DMRT3: variants seen among roughly 807,000 people sequenced by gnomAD.
DMRT3 encodes doublesex and mab-3 related transcription factor 3.
DMRT3 carries 29 observed loss-of-function variants against 34.9 expected under a neutral mutation model. The ratio of observed to expected loss-of-function variants is 0.83; its 90% CI spans 0.62 to 1.13. DMRT3 has a LOEUF of 1.13. Among genes scored for constraint, DMRT3 ranks in the 50% most tolerant of loss-of-function variants. The pLI, the probability that DMRT3 is intolerant of heterozygous loss-of-function variation, is 0.00. For missense variants in DMRT3, 772 were observed against 629.1 expected (o/e 1.23, Z -2.43); for synonymous variants, 350 against 286.0 (o/e 1.22, Z -2.26).
chr9:986,912 C>CT lies in DMRT3; in HGVS notation c.455-3126dup, dbSNP rs529523578. Among the ~76,000 whole-genome samples the CT allele has an allele frequency of 3.2e-3, 472 of 146,230 alleles. 4 individuals carry two copies. The highest frequency in any genetic ancestry group is 0.011 in the African/African-American group (449 of 39,598). ...TCTCAAAAAAAAAAAAAAAGTTGAGCTTTGAGCTTTCCAGCTGTGCCTATG... is the reference window on the plus strand; with the variant it reads ...TCTCAAAAAAAAAAAAAAAGTTGAGCTTTTGAGCTTTCCAGCTGTGCCTATG... On this transcript the variant is annotated intron_variant, in intron 1 of 1. Coordinates refer to ENST00000190165, the MANE Select transcript of DMRT3 (RefSeq NM_021240.4).
chr9:977,179 CTCA>C lies in DMRT3; in HGVS notation c.184_186del (p.Ile62del), dbSNP rs1283486334. The C allele has an allele frequency of 1.2e-6, 2 of 1,610,586 alleles. No individual in the cohort carries two copies. Among genetic ancestry groups the C allele is most frequent in the East Asian group, 4.5e-5 (2 of 44,762 alleles). On this transcript the variant is annotated inframe_deletion, in exon 1 of 2. Coordinates refer to ENST00000190165, the MANE Select transcript of DMRT3 (RefSeq NM_021240.4). ...GGACTGCACCTGCGAGAAGTGCATC[CTCA>C]TCATCGAGCGGCAGCGGGTCATGGC...
At chr9:977,978 A>T (rs1820173318) in intron 1 of DMRT3, among the ~76,000 whole-genome samples, 1 of 152,190 alleles carries the variant, frequency 6.6e-6, no homozygotes, top group Non-Finnish European at 1.5e-5. Context: ...GCCCAGGAAA[A>T]TTTGAGTGAG....
chr9:990,854 C>T lies in DMRT3; in HGVS notation c.1268C>T (p.Pro423Leu). The T allele has an allele frequency of 6.2e-7, 1 of 1,614,144 alleles. No homozygotes were observed. The highest frequency in any genetic ancestry group is 1.1e-5 in the South Asian group (1 of 91,080). ...SNSTSVFRSS[P>L]VLPARATEDP... ...TCTACCAGCGTCTTCAGAAGCTCGC[C>T]CGTCCTTCCTGCCCGCGCCACGGAA... The change falls in exon 2 of 2, where the codon CCC becomes CTC. Residue 423 changes from proline to leucine, a missense_variant. By Grantham distance (98) the Pro-to-Leu change is moderately conservative. Coordinates refer to ENST00000190165, the MANE Select transcript of DMRT3 (RefSeq NM_021240.4).
chr9:986,183 T>G (rs1026042473), intron 1 of DMRT3, among the ~76,000 whole-genome samples: 2 of 152,210 alleles, frequency 1.3e-5, no homozygotes, highest in African/African-American at 4.8e-5. Context: ...TCACAATTGC[T>G]GAACAAGCTG....
rs1820357332 is a variant in DMRT3 at position 990,999 on chromosome 9, A to T, written c.1413A>T (p.Ser471=). The change falls in exon 2 of 2, where the codon TCA becomes TCT. Residue 471 remains serine, a synonymous_variant. Transcript: ENST00000190165. ...CAGACTCTAGAACACTCAACACATC[A>T]TCTTAAAGTGGTGCTGGATGGGTGG... ...DSSDSRTLNT[S]S is the part of the protein sequence containing the mutation. 1.9e-6 allele frequency: 3 copies of T among 1,606,168 alleles called. No homozygotes were observed. Among genetic ancestry groups the T allele is most frequent in the African/African-American group, 1.3e-5 (1 of 74,804 alleles).
intron 1 of DMRT3, among the ~76,000 whole-genome samples, chr9:984,174 A>G (rs771503843): frequency 6.6e-6 from 1 of 152,266 alleles, no homozygotes; most frequent in East Asian, 1.9e-4. Flanking sequence ...CCATTGTTGT[A>G]AGATTTATGT....
intron 1 of DMRT3, among the ~76,000 whole-genome samples, chr9:978,871 TGTCTC>T (rs1397113433): frequency 1.3e-5 from 2 of 152,242 alleles, no homozygotes; most frequent in Non-Finnish European, 2.9e-5. Flanking sequence ...CTCTTTTGTC[TGTCTC>T]ATCTTTTTAT....
At chr9:988,813 A>G (rs759854082) in intron 1 of DMRT3, among the ~76,000 whole-genome samples, 6 of 152,158 alleles carry the variant, frequency 3.9e-5, no homozygotes, top group Non-Finnish European at 7.4e-5. Flanking sequence ...TCATCTTTCG[A>G]TCAGCTACCC....
Position 990,247 on chromosome 9 carries a change from C to G in DMRT3, c.661C>G (p.Pro221Ala), listed in dbSNP as rs1207645608. ...GGNPESRPDS[P>A]KCHAEQNHLL... is the part of the protein sequence containing the mutation. ...CAACCCCGAGAGCCGCCCTGACAGCCCCAAGTGTCACGCGGAGCAGAATCA... is the reference window on the plus strand; with the variant it reads ...CAACCCCGAGAGCCGCCCTGACAGCGCCAAGTGTCACGCGGAGCAGAATCA... The change falls in exon 2 of 2, where the codon CCC becomes GCC. Residue 221 changes from proline to alanine, a missense_variant. Pro to Ala is a conservative substitution (Grantham distance 27). Transcript: ENST00000190165. 1 of 1,613,860 alleles carries G rather than the reference C, an allele frequency of 6.2e-7. No homozygotes were observed. The highest frequency in any genetic ancestry group is 1.3e-5 in the African/African-American group (1 of 74,854).
chr9:985,396 T>G (rs551607921), intron 1 of DMRT3, among the ~76,000 whole-genome samples: 10 of 152,346 alleles, frequency 6.6e-5, no homozygotes, highest in Admixed American at 2.6e-4. Context: ...CAGGAGTATT[T>G]CCTATTTTAT....
At position 990,886 on chromosome 9, in the gene DMRT3, C is replaced by T. The variant is rs1261539213; in HGVS notation, c.1300C>T (p.Arg434Trp). The change falls in exon 2 of 2, where the codon CGG becomes TGG. Residue 434 changes from arginine to tryptophan, a missense_variant. Physicochemically the swap from Arg to Trp is moderately radical, Grantham distance 101 (BLOSUM62 -3). Transcript: ENST00000190165. ...TCCTGCCCGCGCCACGGAAGACCCT[C>T]GGATTTCCATCCCTGATGATGGGTG... Reference protein sequence around the residue: ...VLPARATEDPRISIPDDGCPF... With the variant: ...VLPARATEDPWISIPDDGCPF... 17 of 1,614,004 alleles carry T rather than the reference C, an allele frequency of 1.1e-5. No homozygotes were observed. The highest frequency in any genetic ancestry group is 6.6e-5 in the South Asian group (6 of 91,088).
At chr9:981,599 C>A (rs956517667) in intron 1 of DMRT3, among the ~76,000 whole-genome samples, 6 of 152,234 alleles carry the variant, frequency 3.9e-5, no homozygotes, top group African/African-American at 1.4e-4. Flanking sequence ...CTGCTGGGGA[C>A]CGGTCTTCCC....
Position 976,694 on chromosome 9 carries a change from G to C in DMRT3, c.-308G>C, listed in dbSNP as rs1820150558. 6.6e-6 allele frequency among the ~76,000 whole-genome samples: 1 copy of C among 152,304 alleles called. No individual in the cohort carries two copies. The highest frequency in any genetic ancestry group is 2.4e-5 in the African/African-American group (1 of 41,584). ...TCAGACCTTAATCAGAGCTGTCGCC[G>C]GCTCCTTGCAGCCGCCGCAGCGCCT... On this transcript the variant is annotated 5_prime_UTR_variant, in exon 1 of 2. Transcript: ENST00000190165. This position sits in a 1 kb window ranked among gnomAD's most constrained non-coding sequence, Gnocchi z 4.5.
intron 1 of DMRT3, among the ~76,000 whole-genome samples, chr9:979,122 C>T (rs774423307): frequency 2.3e-4 from 35 of 152,140 alleles, no homozygotes; most frequent in Admixed American, 3.9e-4. Context: ...CTCCTGTGAT[C>T]GGGCATTGGG....
At chr9:987,331 T>G (rs1040387622) in intron 1 of DMRT3, among the ~76,000 whole-genome samples, 1 of 152,182 alleles carries the variant, frequency 6.6e-6, no homozygotes, top group African/African-American at 2.4e-5. Flanking sequence ...CTTATTTCAC[T>G]TAGCCTAATG....
intron 1 of DMRT3, among the ~76,000 whole-genome samples, chr9:980,918 T>C (rs1273610023): frequency 1.3e-5 from 2 of 152,150 alleles, no homozygotes; most frequent in African/African-American, 2.4e-5. Context: ...TGTGGTGCGA[T>C]GAGAAGAAAG....
chr9:980,757 G>A (rs115669077), intron 1 of DMRT3, among the ~76,000 whole-genome samples: 1 of 152,074 alleles, frequency 6.6e-6, no homozygotes, highest in Non-Finnish European at 1.5e-5. Flanking sequence ...GTTTTAATCA[G>A]CCTAGCCAGC....
intron 1 of DMRT3, among the ~76,000 whole-genome samples, chr9:989,221 G>A (rs1010277654): frequency 6.6e-6 from 1 of 152,148 alleles, no homozygotes; most frequent in Non-Finnish European, 1.5e-5. Flanking sequence ...TATCTGCCTC[G>A]TGCCACCCGT....
At chr9:988,379 C>T (rs1820310980) in intron 1 of DMRT3, among the ~76,000 whole-genome samples, 1 of 152,138 alleles carries the variant, frequency 6.6e-6, no homozygotes, top group Non-Finnish European at 1.5e-5. Flanking sequence ...TTATGTTTGC[C>T]ACATATTTAT....
Sources: gnomAD v4.1 joint callset for allele counts (sites outside exome capture counted in the v4.1 genomes callset) on GRCh38, gnomAD v4.1.1 for gene constraint, Gnocchi (gnomAD v3.1) non-coding constraint, MANE v1.5 for transcripts, NCBI Gene and HGNC (gene_info 2026-07-23, HGNC 2026-07-21) for gene names.